TCF7L2: variants seen among roughly 807,000 people sequenced by gnomAD.
TCF7L2 encodes the protein transcription factor 7-like 2.
In TCF7L2, 23 loss-of-function variants were observed where a neutral mutation model predicts 77.9. That is an observed-to-expected ratio of 0.30 (90% CI 0.21 to 0.42). TCF7L2 has a LOEUF of 0.42. TCF7L2 is among the 10% of genes least tolerant of loss of function. The pLI, the probability that TCF7L2 is intolerant of heterozygous loss-of-function variation, is 1.00. For missense variants in TCF7L2, 654 were observed against 793.1 expected (o/e 0.82, Z 2.11); for synonymous variants, 413 against 340.2 (o/e 1.21, Z -2.36).
intron 3 of TCF7L2, among the ~76,000 whole-genome samples, chr10:112,962,748 G>A (rs941504061): frequency 3.9e-5 from 6 of 152,036 alleles, no homozygotes; most frequent in East Asian, 1.9e-4. Context: ...ATAGGCGCCC[G>A]CCACCACGCC....
chr10:113,009,666 C>T (rs1035625018), intron 4 of TCF7L2, among the ~76,000 whole-genome samples: 7 of 152,182 alleles, frequency 4.6e-5, no homozygotes, highest in Non-Finnish European at 5.9e-5. Flanking sequence ...GCTCACATGA[C>T]GTCCCTGAGA....
intron 5 of TCF7L2, among the ~76,000 whole-genome samples, chr10:113,119,878 G>C (rs2064485607): frequency 6.6e-6 from 1 of 152,060 alleles, no homozygotes; most frequent in South Asian, 2.1e-4. Context: ...TTTTGAAGGC[G>C]CCGCACAAAA....
rs1804267069 is a variant in TCF7L2 at position 113,152,021 on chromosome 10, A to G, written c.1161+137A>G. Reference sequence around the variant, plus strand: ...CTTCAGCCACATTCTGAATCCTTGAATGGCCTTCACTGAGTCAGGACTAGT... The same window carrying G: ...CTTCAGCCACATTCTGAATCCTTGAGTGGCCTTCACTGAGTCAGGACTAGT... On this transcript the variant is annotated intron_variant, in intron 10 of 13. Transcript: ENST00000627217. 5 of 1,251,618 alleles carry G rather than the reference A, an allele frequency of 4.0e-6. No individual in the cohort carries two copies. The South Asian group carries it at 6.1e-5, about 15-fold the overall frequency. 77.5% of individuals were successfully genotyped at this position (1,251,618 alleles called of 1,614,324 possible).
At chr10:113,106,742 G>A (rs2062374603) in intron 5 of TCF7L2, among the ~76,000 whole-genome samples, 1 of 152,194 alleles carries the variant, frequency 6.6e-6, no homozygotes, top group Non-Finnish European at 1.5e-5. Context: ...CCATTTATGT[G>A]TGTATTTTGA....
intron 3 of TCF7L2, among the ~76,000 whole-genome samples, chr10:112,954,291 ATG>A (rs2032904449): frequency 6.6e-6 from 1 of 152,158 alleles, no homozygotes; most frequent in Non-Finnish European, 1.5e-5. Context: ...TCTGTTACTT[ATG>A]GTGTACCTGT....
chr10:113,084,493 C>A (rs951993564), intron 5 of TCF7L2, among the ~76,000 whole-genome samples: 3 of 152,208 alleles, frequency 2.0e-5, no homozygotes, highest in African/African-American at 7.2e-5. Context: ...TCAAGGAGGA[C>A]CATCCGCCTT....
chr10:113,034,839 T>C (rs1051964090), intron 4 of TCF7L2, among the ~76,000 whole-genome samples: 6 of 152,168 alleles, frequency 3.9e-5, no homozygotes, highest in Non-Finnish European at 7.4e-5. Context: ...GAGGTTGCAG[T>C]GAGTCGAGCT....
At chr10:113,081,995 G>A (rs769526583) in intron 5 of TCF7L2, among the ~76,000 whole-genome samples, 6 of 152,074 alleles carry the variant, frequency 3.9e-5, no homozygotes, top group Admixed American at 6.6e-5. Context: ...CTGCCACCAC[G>A]TCTGGCTAAT....
rs372631304 is a variant in TCF7L2, at chr10:113,108,216, A to AC, written c.553-32961dup. Among the ~76,000 whole-genome samples the AC allele has an allele frequency of 3.3e-3, 505 of 151,726 alleles. 3 individuals carry two copies. The highest frequency in any genetic ancestry group is 0.011 in the African/African-American group (470 of 41,346). ...ACAGTGATCCTTAAACACAATGTGG[A>AC]CCCCCCCACCCCACCAGGCAAAGGT... On this transcript the variant is annotated intron_variant, in intron 5 of 13. Transcript: ENST00000627217.
At chr10:113,146,133 A>C (rs2069344071) in intron 8 of TCF7L2, 36 bp downstream of exon 8, 1 of 1,589,370 alleles carries the variant, frequency 6.3e-7, no homozygotes, top group Non-Finnish European at 8.6e-7. Context: ...ATCCAAGGCC[A>C]TGTGTGACTT....
At chr10:113,158,517 C>A in intron 12 of TCF7L2, 150 bp from the exon 13 acceptor site, 1 of 768,832 alleles carries the variant, frequency 1.3e-6, no homozygotes, top group Non-Finnish European at 2.2e-6. Context: ...AAATTACACC[C>A]ATTTTAAATT....
intron 4 of TCF7L2, among the ~76,000 whole-genome samples, chr10:113,035,522 G>A (rs796451049): frequency 2.0e-5 from 3 of 152,156 alleles, no homozygotes; most frequent in East Asian, 1.9e-4. Flanking sequence ...GTGCAATCAC[G>A]GCTCCTGCAG....
At chr10:113,042,008 G>T (rs1360413937) in intron 5 of TCF7L2, among the ~76,000 whole-genome samples, 1 of 152,196 alleles carries the variant, frequency 6.6e-6, no homozygotes, top group Admixed American at 6.5e-5. Flanking sequence ...TGTGGCATAG[G>T]CTCTGTGGGC....
chr10:113,021,754 G>A (rs370744557), intron 4 of TCF7L2, among the ~76,000 whole-genome samples: 7 of 152,128 alleles, frequency 4.6e-5, no homozygotes, highest in East Asian at 3.9e-4. Context: ...GTGTGTTCTG[G>A]GCATTTTCGC....
In TCF7L2 at chr10:113,011,714, T is replaced by C. The variant is rs182351644; in HGVS notation, c.451-28311T>C. On this transcript the variant is annotated intron_variant, in intron 4 of 13. Coordinates refer to ENST00000627217, the MANE Select transcript of TCF7L2 (RefSeq NM_001146274.2). ...TGTTGAGCATAACCACTTTGAGTAT[T>C]GCTCTTGAGTATTACCACCTTGAGT... Among the ~76,000 whole-genome samples, 415 of 152,334 alleles carry C rather than the reference T, an allele frequency of 2.7e-3. 4 individuals are homozygous for C. The highest frequency in any genetic ancestry group is 2.7e-3 in the Non-Finnish European group (181 of 68,024).
At chr10:112,968,753 G>GT (rs1156378411) in intron 4 of TCF7L2, among the ~76,000 whole-genome samples, 1 of 151,942 alleles carries the variant, frequency 6.6e-6, no homozygotes, top group Non-Finnish European at 1.5e-5. Flanking sequence ...TCATTTTTTT[G>GT]TATTTTTAGT....
intron 4 of TCF7L2, among the ~76,000 whole-genome samples, chr10:113,037,140 T>C (rs182154247): frequency 1.3e-5 from 2 of 152,334 alleles, no homozygotes; most frequent in East Asian, 1.9e-4. Flanking sequence ...TTGTAGAAGA[T>C]GAAGGAAGCT....
chr10:113,141,968 A>G (rs1349410695), intron 6 of TCF7L2, among the ~76,000 whole-genome samples: 1 of 152,222 alleles, frequency 6.6e-6, no homozygotes, highest in Non-Finnish European at 1.5e-5. Context: ...TGGGTGTCTG[A>G]GAAAAGTTGC....
At chr10:113,087,558 C>CA (rs1169507495) in intron 5 of TCF7L2, among the ~76,000 whole-genome samples, 3 of 152,210 alleles carry the variant, frequency 2.0e-5, no homozygotes, top group Non-Finnish European at 4.4e-5. Flanking sequence ...CCGAATGACT[C>CA]ACGCTCCTGT....
Sources: allele counts gnomAD v4.1 joint callset (sites outside exome capture counted in the v4.1 genomes callset), GRCh38; gene constraint gnomAD v4.1.1; transcripts MANE v1.5; gene names NCBI Gene and HGNC (gene_info 2026-07-23, HGNC 2026-07-21).